DACH2: variants seen among roughly 807,000 people sequenced by gnomAD.
DACH2 encodes the protein dachshund family transcription factor 2.
A neutral mutation model predicts 35.8 loss-of-function variants in DACH2; 17 were observed. That is an observed-to-expected ratio of 0.48 (90% CI 0.33 to 0.71). DACH2 has a LOEUF of 0.71. Ranked by LOEUF, DACH2 falls within the 30% of genes least tolerant of loss-of-function variation. The pLI is 0.02. For missense variants in DACH2, 469 were observed against 472.7 expected (o/e 0.99, Z 0.07); for synonymous variants, 195 against 177.3 (o/e 1.10, Z -0.79).
chrX:86,798,785 T>C (rs1322185514), intron 7 of DACH2: 1 of 124,673 alleles, frequency 8.0e-6, no homozygotes, highest in African/African-American at 3.2e-5. Flanking sequence ...TGTTTTAATA[T>C]ACCTTTCACA....
chrX:86,492,040 A>C (rs1196237169), intron 2 of DACH2, among the ~76,000 whole-genome samples: 2 of 111,733 alleles, frequency 1.8e-5, no homozygotes, highest in Non-Finnish European at 3.8e-5. Flanking sequence ...ACAATTTTTG[A>C]TTATATAAGT....
chrX:86,185,894 G>T (rs980355459), intron 1 of DACH2, among the ~76,000 whole-genome samples: 2 of 111,865 alleles, frequency 1.8e-5, no homozygotes, highest in African/African-American at 6.5e-5. Flanking sequence ...CTTTATATAG[G>T]GTTTAAAGTT....
At chrX:86,318,774 C>T (rs977588250) in intron 1 of DACH2, among the ~76,000 whole-genome samples, 4 of 111,434 alleles carry the variant, frequency 3.6e-5, no homozygotes, top group African/African-American at 1.3e-4. Flanking sequence ...GAAAGACAAC[C>T]TTGAGACTAA....
intron 2 of DACH2, among the ~76,000 whole-genome samples, chrX:86,396,421 T>G (rs1207824554): frequency 1.0e-5 from 1 of 96,794 alleles, no homozygotes; most frequent in Non-Finnish European, 2.1e-5. Context: ...TTTTGGCTTT[T>G]GTTGCCATTG....
intron 4 of DACH2, among the ~76,000 whole-genome samples, chrX:86,682,683 G>A (rs912698134): frequency 9.0e-6 from 1 of 111,459 alleles, no homozygotes; most frequent in African/African-American, 3.3e-5. Context: ...TAATTCATAA[G>A]CCCCAGTGTA....
At chrX:86,151,251 G>A (rs1420282156) in intron 1 of DACH2, among the ~76,000 whole-genome samples, 3 of 110,887 alleles carry the variant, frequency 2.7e-5, no homozygotes, top group African/African-American at 9.8e-5. Flanking sequence ...GCTTATCACA[G>A]CAATAGTAAC....
intron 3 of DACH2, among the ~76,000 whole-genome samples, chrX:86,611,512 T>C (rs1479119061): frequency 9.0e-6 from 1 of 111,278 alleles, no homozygotes; most frequent in Non-Finnish European, 1.9e-5. Context: ...TCTTGTGGCC[T>C]AGGCTTCCTT....
intron 1 of DACH2, among the ~76,000 whole-genome samples, chrX:86,154,979 C>A (rs1049287109): frequency 9.0e-6 from 1 of 111,159 alleles, no homozygotes; most frequent in African/African-American, 3.3e-5. Context: ...ATATTGTGAA[C>A]TATTCCAAAA....
At chrX:86,396,850 T>G (rs1394976989) in intron 2 of DACH2, among the ~76,000 whole-genome samples, 1 of 110,899 alleles carries the variant, frequency 9.0e-6, no homozygotes, top group African/African-American at 3.3e-5. Context: ...TCTTTTGGCT[T>G]AGGATTGACT....
intron 6 of DACH2, among the ~76,000 whole-genome samples, chrX:86,721,141 C>A (rs5923611): frequency 0.28 from 31,064 of 111,416 alleles, 3,271 homozygotes; most frequent in East Asian, 0.48. Context: ...ATGGGAAGAT[C>A]TCTTACATGC....
intron 1 of DACH2, among the ~76,000 whole-genome samples, chrX:86,285,295 T>C (rs965378517): frequency 2.7e-5 from 3 of 112,046 alleles, no homozygotes; most frequent in African/African-American, 9.7e-5. Context: ...TTACTTCATT[T>C]TTGATGTATG....
intron 2 of DACH2, among the ~76,000 whole-genome samples, chrX:86,439,476 A>G (rs2037124635): frequency 8.9e-6 from 1 of 111,872 alleles, no homozygotes; most frequent in African/African-American, 3.2e-5. Context: ...ATATTTGCCT[A>G]CATCAGAATT....
chrX:86,719,536 T>TA (rs951215773), intron 6 of DACH2, among the ~76,000 whole-genome samples: 1 of 111,736 alleles, frequency 8.9e-6, no homozygotes, highest in African/African-American at 3.3e-5. Context: ...GGTAATTTAT[T>TA]AAAAAAAGAT....
intron 1 of DACH2, among the ~76,000 whole-genome samples, chrX:86,365,887 C>T (rs186806628): frequency 9.0e-6 from 1 of 111,216 alleles, no homozygotes; most frequent in African/African-American, 3.3e-5. Flanking sequence ...ACACAAATTG[C>T]CAGGTAAGCA....
At chrX:86,795,523 G>A (rs750907498) in intron 7 of DACH2, among the ~76,000 whole-genome samples, 4 of 111,446 alleles carry the variant, frequency 3.6e-5, no homozygotes, top group East Asian at 2.8e-4. Flanking sequence ...GTTAGCCACC[G>A]CGCCCGGCCG....
At chrX:86,337,889 C>CA (rs762063038) in intron 1 of DACH2, among the ~76,000 whole-genome samples, 6 of 108,093 alleles carry the variant, frequency 5.6e-5, no homozygotes, top group African/African-American at 6.9e-5. Flanking sequence ...AAATGGAAAT[C>CA]AAAAAAAATC....
rs144992525 is a variant in DACH2 at position 86,722,756 on chromosome X, A to G, written c.1104+8036A>G. 2.7e-4 allele frequency among the ~76,000 whole-genome samples: 30 copies of G among 110,918 alleles called. No homozygotes were observed. The East Asian group carries it at 7.7e-3, about 28-fold the overall frequency. ...GACTTAATTTATTAATATTTTGTTG[A>G]GGATATTTGTGTCTATGCTTTTCAA... On this transcript the variant is annotated intron_variant, in intron 6 of 11. Transcript: ENST00000373125.
chrX:86,632,133 C>G (rs1266375001), intron 3 of DACH2, among the ~76,000 whole-genome samples: 1 of 111,169 alleles, frequency 9.0e-6, no homozygotes, highest in Non-Finnish European at 1.9e-5. Context: ...TATAAAGTAT[C>G]TCTGCGAATC....
At chrX:86,643,390 T>C (rs1056751891) in intron 3 of DACH2, among the ~76,000 whole-genome samples, 16 of 109,918 alleles carry the variant, frequency 1.5e-4, no homozygotes, top group African/African-American at 5.3e-4. Context: ...CCTGGACACA[T>C]ACAACCTCCC....
Sources: gnomAD v4.1 joint callset for allele counts (sites outside exome capture counted in the v4.1 genomes callset) on GRCh38, gnomAD v4.1.1 for gene constraint, MANE v1.5 for transcripts, NCBI Gene and HGNC (gene_info 2026-07-23, HGNC 2026-07-21) for gene names.